Variants in DMD observed in about 807,000 individuals in gnomAD.
DMD encodes mutant dystrophin.
In DMD, 63 loss-of-function variants were observed where a neutral mutation model predicts 330.1. The observed-to-expected ratio is 0.19, with a 90% CI of 0.16 to 0.24. The LOEUF (loss-of-function observed/expected upper bound fraction) is 0.24. Among genes scored for constraint, DMD ranks in the 10% least tolerant of loss-of-function variants. The pLI is 1.00. For missense variants in DMD, 3,344 were observed against 2,684.1 expected (o/e 1.25, Z -5.43); for synonymous variants, 1,223 against 959.8 (o/e 1.27, Z -5.07).
chrX:32,333,922 C>G (rs930606252), intron 41 of DMD, among the ~76,000 whole-genome samples: 1 of 111,538 alleles, frequency 9.0e-6, no homozygotes, highest in South Asian at 3.7e-4. Flanking sequence ...AGAGAGGTTC[C>G]ACCATAGCCC....
intron 33 of DMD, 133 bp downstream of exon 33, chrX:32,386,177 C>T (rs1398679124): frequency 2.2e-5 from 14 of 631,607 alleles, no homozygotes; most frequent in Admixed American, 1.6e-4. Context: ...TATATATATA[C>T]GTATACATAT....
In DMD at chrX:32,622,130, T is replaced by C. The variant is rs143223972; in HGVS notation, c.1332-7677A>G. Among the ~76,000 whole-genome samples, 735 of 111,405 alleles carry C rather than the reference T, an allele frequency of 6.6e-3. 7 individuals are homozygous for C. Among genetic ancestry groups the C allele is most frequent in the African/African-American group, 0.023 (707 of 30,628 alleles). On this transcript the variant is annotated intron_variant, in intron 11 of 78. Transcript: ENST00000357033. Reference sequence around the variant, plus strand: ...TATGAATTATTTTGACATGAGACTTTTACATTCTCTTCCTGACTTCACCTC... The same window carrying C: ...TATGAATTATTTTGACATGAGACTTCTACATTCTCTTCCTGACTTCACCTC...
chrX:33,130,965 A>T (rs2095496023), intron 1 of DMD, among the ~76,000 whole-genome samples: 1 of 111,446 alleles, frequency 9.0e-6, no homozygotes. Flanking sequence ...TATTCCTTAA[A>T]CTCGTTTTAC....
rs778467350 is a variant in DMD at position 31,658,048 on chromosome X, T to G, written c.7969A>C (p.Arg2657=). The change falls in exon 54 of 79, where the codon AGA becomes CGA. Residue 2657 remains arginine, a synonymous_variant. Coordinates refer to ENST00000357033, the MANE Select transcript of DMD (RefSeq NM_004006.3). Reference sequence around the variant, plus strand: ...TTCTCTGTTATCATGTGGACTTTTCTGGTATCATCTGCAGAATAATCCCGG... The same window carrying G: ...TTCTCTGTTATCATGTGGACTTTTCGGGTATCATCTGCAGAATAATCCCGG... ...LLRDYSADDT[R]KVHMITENIN... is the part of the protein sequence containing the mutation. 1 of 1,210,867 alleles carries G rather than the reference T, an allele frequency of 8.3e-7. No homozygotes were observed. Among genetic ancestry groups the G allele is most frequent in the East Asian group, 3.0e-5 (1 of 33,850 alleles).
At chrX:32,244,587 AG>A (rs1322243414) in intron 43 of DMD, among the ~76,000 whole-genome samples, 1 of 81,604 alleles carries the variant, frequency 1.2e-5, no homozygotes, top group Non-Finnish European at 2.3e-5. Context: ...ACAGTGTAAA[AG>A]TGTTCCTATT....
intron 66 of DMD, among the ~76,000 whole-genome samples, chrX:31,205,366 A>C (rs1286892660): frequency 8.9e-6 from 1 of 112,138 alleles, no homozygotes; most frequent in African/African-American, 3.2e-5. Context: ...TTATTTTCAA[A>C]GTTATGAGTT....
intron 50 of DMD, among the ~76,000 whole-genome samples, chrX:31,792,419 A>G (rs2091614242): frequency 8.9e-6 from 1 of 112,464 alleles, no homozygotes; most frequent in African/African-American, 3.2e-5. Context: ...AGAAATTAGC[A>G]TGACGGCTGT....
At chrX:32,137,670 A>G (rs916171592) in intron 44 of DMD, among the ~76,000 whole-genome samples, 1 of 110,525 alleles carries the variant, frequency 9.0e-6, no homozygotes, top group Admixed American at 9.7e-5. Context: ...GGATTGTTAC[A>G]TGGGTATGTT....
chrX:33,282,643 G>A (rs1009182188), intron 1 of DMD, among the ~76,000 whole-genome samples: 3 of 112,130 alleles, frequency 2.7e-5, no homozygotes, highest in Non-Finnish European at 5.6e-5. Context: ...TTTTTCAGCA[G>A]AGCATGGTAG....
intron 26 of DMD, among the ~76,000 whole-genome samples, chrX:32,453,798 C>T (rs1187518985): frequency 4.5e-5 from 5 of 110,781 alleles, no homozygotes; most frequent in African/African-American, 1.6e-4. Flanking sequence ...TATCTGGCTC[C>T]ACATTGATTT....
At chrX:31,195,688 G>C (rs2042795584) in intron 67 of DMD, among the ~76,000 whole-genome samples, 1 of 107,203 alleles carries the variant, frequency 9.3e-6, no homozygotes, top group African/African-American at 3.4e-5. Flanking sequence ...AGGGGTGATA[G>C]AAATGGAAGG....
In DMD at chrX:31,182,876, G is replaced by A; in HGVS notation, c.9836C>T (p.Ala3279Val). The A allele has an allele frequency of 8.3e-7, 1 of 1,209,427 alleles. No homozygotes were observed. The highest frequency in any genetic ancestry group is 1.1e-6 in the Non-Finnish European group (1 of 894,792). The change falls in exon 68 of 79, where the codon GCC (alanine) becomes GTC (valine). Residue 3279 changes from alanine to valine, a missense_variant. Ala to Val is a moderately conservative substitution (Grantham distance 64). Coordinates refer to ENST00000357033, the MANE Select transcript of DMD (RefSeq NM_004006.3). ...CAGTCTCATCCAGTCTAGGAAGAGG[G>A]CCGCTTCGATCTCTGGCTTATTATT... ...FANNKPEIEA[A>V]LFLDWMRLEP...
At chrX:31,299,540 C>G (rs112197951) in intron 62 of DMD, among the ~76,000 whole-genome samples, 1 of 110,167 alleles carries the variant, frequency 9.1e-6, no homozygotes, top group South Asian at 3.8e-4. Context: ...CACTTTGGGA[C>G]GCTGAGGTGG....
At chrX:32,529,318 G>A (rs1284222300) in intron 17 of DMD, among the ~76,000 whole-genome samples, 2 of 103,561 alleles carry the variant, frequency 1.9e-5, no homozygotes, top group Admixed American at 2.1e-4. Context: ...TTGGGCACAT[G>A]TCGTCAGGAC....
At chrX:32,462,917 A>C (rs1404560110) in intron 25 of DMD, among the ~76,000 whole-genome samples, 1 of 111,221 alleles carries the variant, frequency 9.0e-6, no homozygotes, top group Non-Finnish European at 1.9e-5. Context: ...CCGAGTTCAC[A>C]CCACTGCACT....
chrX:33,015,523 G>A (rs1312458550), intron 2 of DMD, among the ~76,000 whole-genome samples: 1 of 110,740 alleles, frequency 9.0e-6, no homozygotes, highest in African/African-American at 3.3e-5. Flanking sequence ...AAGGTGGAGG[G>A]TGGGAGGAGG....
intron 52 of DMD, among the ~76,000 whole-genome samples, chrX:31,702,735 T>C (rs1022350909): frequency 2.7e-5 from 3 of 111,245 alleles, no homozygotes; most frequent in African/African-American, 6.6e-5. Context: ...AGTCCAAGTA[T>C]TGGCATTTTT....
intron 55 of DMD, among the ~76,000 whole-genome samples, chrX:31,581,613 T>C (rs2092737692): frequency 8.9e-6 from 1 of 112,313 alleles, no homozygotes; most frequent in Non-Finnish European, 1.9e-5. Flanking sequence ...ATATTGTTAA[T>C]GGATACTTCA....
At chrX:31,172,443 C>G in intron 72 of DMD, 30 bp from the exon 73 acceptor site, 1 of 1,065,596 alleles carries the variant, frequency 9.4e-7, no homozygotes, top group Non-Finnish European at 1.3e-6. Flanking sequence ...CTCATTAAAA[C>G]TTATGTGACG....
Sources: gnomAD v4.1 joint callset for allele counts (sites outside exome capture counted in the v4.1 genomes callset) on GRCh38, gnomAD v4.1.1 for gene constraint, MANE v1.5 for transcripts, NCBI Gene and HGNC (gene_info 2026-07-23, HGNC 2026-07-21) for gene names.